OLFM1: variants seen among roughly 807,000 people sequenced by gnomAD.
OLFM1 encodes the protein olfactomedin 1.
OLFM1 carries 9 observed loss-of-function variants against 49.7 expected under a neutral mutation model. That is an observed-to-expected ratio of 0.18 (90% CI 0.11 to 0.32). The LOEUF (loss-of-function observed/expected upper bound fraction) is 0.32, where lower values mean the gene tolerates loss of function less well. Among genes scored for constraint, OLFM1 ranks in the 10% least tolerant of loss-of-function variants. The pLI, the probability that OLFM1 is intolerant of heterozygous loss-of-function variation, is 1.00. For missense variants in OLFM1, 369 were observed against 661.8 expected (o/e 0.56, Z 4.85); for synonymous variants, 240 against 271.8 (o/e 0.88, Z 1.15).
intron 5 of OLFM1, among the ~76,000 whole-genome samples, chr9:135,110,909 A>G (rs558046165): frequency 7.3e-4 from 111 of 152,366 alleles, no homozygotes; most frequent in African/African-American, 2.6e-3. Context: ...CCAAGTCCCT[A>G]CGCCAAGACC....
intron 2 of OLFM1, among the ~76,000 whole-genome samples, chr9:135,091,865 TCA>T (rs1297497098): frequency 8.0e-4 from 29 of 36,386 alleles, no homozygotes; most frequent in Non-Finnish European, 1.4e-3. Context: ...TCACACACAC[TCA>T]CACACAGTCA....
chr9:135,095,620 G>T (rs1830779412), intron 2 of OLFM1, among the ~76,000 whole-genome samples: 1 of 151,786 alleles, frequency 6.6e-6, no homozygotes, highest in South Asian at 2.1e-4. Flanking sequence ...CCCCTGATTT[G>T]CATCCCTGAT....
chr9:135,111,865 A>G (rs1235009687), intron 5 of OLFM1, among the ~76,000 whole-genome samples: 2 of 142,564 alleles, frequency 1.4e-5, no homozygotes, highest in East Asian at 3.9e-4. Flanking sequence ...GCATGCCATC[A>G]CTTCCGGCTA....
chr9:135,103,719 G>A (rs1278193909), intron 4 of OLFM1, among the ~76,000 whole-genome samples: 1 of 152,158 alleles, frequency 6.6e-6, no homozygotes, highest in East Asian at 1.9e-4. Context: ...ACTTGGGCTC[G>A]CCTTTTCTGC....
At chr9:135,105,687 T>G (rs1025196909) in intron 4 of OLFM1, 1 of 152,176 alleles carries the variant, frequency 6.6e-6, no homozygotes, top group African/African-American at 2.4e-5. Flanking sequence ...CGTGTGCTCG[T>G]GCAAGCCCAC....
intron 5 of OLFM1, among the ~76,000 whole-genome samples, chr9:135,112,100 C>A (rs1831031323): frequency 6.6e-6 from 1 of 152,188 alleles, no homozygotes; most frequent in African/African-American, 2.4e-5. Flanking sequence ...GTTGTGGGGG[C>A]AGCACCAGTG....
chr9:135,101,492 T>C (rs1284456240), intron 4 of OLFM1, among the ~76,000 whole-genome samples: 1 of 152,248 alleles, frequency 6.6e-6, no homozygotes, highest in African/African-American at 2.4e-5. Flanking sequence ...TCCATCAGTT[T>C]TCAGTTTCCA....
chr9:135,116,518 G>A (rs1831098307), intron 5 of OLFM1, among the ~76,000 whole-genome samples: 2 of 152,146 alleles, frequency 1.3e-5, no homozygotes, highest in Non-Finnish European at 2.9e-5. Flanking sequence ...CCAGGGTACA[G>A]GGGTGAGTCA....
chr9:135,118,109 C>T (rs1831119771), intron 5 of OLFM1, among the ~76,000 whole-genome samples: 1 of 152,262 alleles, frequency 6.6e-6, no homozygotes, highest in Non-Finnish European at 1.5e-5. Flanking sequence ...AGCTCCTTCT[C>T]CTGAGGTCCA....
Position 135,120,801 on chromosome 9 carries a change from C to T in OLFM1, c.*623C>T, listed in dbSNP as rs2298249. 0.14 allele frequency: 21,546 copies of T among 152,756 alleles called. 1,649 individuals carry two copies. The highest frequency in any genetic ancestry group is 0.2 in the East Asian group (1,015 of 5,170). 9.5% of individuals were successfully genotyped at this position (152,756 alleles called of 1,614,324 possible). ...CGTACCCCGTAGATACATTGTGCAA[C>T]GTTCTTCTGTTATTCCCTTGAGGTG... On this transcript the variant is annotated 3_prime_UTR_variant, in exon 6 of 6. Coordinates refer to ENST00000371793, the MANE Select transcript of OLFM1 (RefSeq NM_001282611.2).
exon 1 of OLFM1, chr9:135,075,683 G>C: frequency 6.5e-7 from 1 of 1,547,126 alleles, no homozygotes; most frequent in East Asian, 2.5e-5. Flanking sequence ...GCAGCCGCCG[G>C]CCGGCCAGCA....
rs1452641311 is a variant in OLFM1, at chr9:135,080,733, A to AT, written c.96+4931_96+4932insT. ...TCACCGTGTAAAGTAATACAAAACT[A>AT]ATTACTAGCTAAACTGAATTAGATA... On this transcript the variant is annotated intron_variant, in intron 1 of 5. Coordinates refer to the OLFM1 transcript ENST00000252854. This position sits in a 1 kb window ranked among gnomAD's most constrained non-coding sequence, Gnocchi z 4.5. Among the ~76,000 whole-genome samples, 3 of 152,192 alleles carry AT rather than the reference A, an allele frequency of 2.0e-5. No individual in the cohort carries two copies. Among genetic ancestry groups the AT allele is most frequent in the Non-Finnish European group, 2.9e-5 (2 of 68,042 alleles).
rs767452180 is a variant in OLFM1 at position 135,098,324 on chromosome 9, A to T, written c.495A>T (p.Ile165=). ...KAKMDELRPL[I]PVLEEYKADA... ...AAATGGATGAACTTAGGCCTTTGATACCTGTGTTGGAAGAGTACAAGGCCG... is the reference window on the plus strand; with the variant it reads ...AAATGGATGAACTTAGGCCTTTGATTCCTGTGTTGGAAGAGTACAAGGCCG... Residue 165 remains isoleucine, a synonymous_variant, in exon 4 of 6, where the codon ATA becomes ATT. Transcript: ENST00000371793. The surrounding 1 kb of genome is among the most constrained non-coding windows in gnomAD (Gnocchi z 5.6). The T allele has an allele frequency of 9.9e-5, 159 of 1,613,768 alleles. No homozygotes were observed. Among genetic ancestry groups the T allele is most frequent in the Non-Finnish European group, 1.2e-4 (145 of 1,180,028 alleles).
At chr9:135,109,698 GA>G (rs1427515616) in intron 5 of OLFM1, among the ~76,000 whole-genome samples, 2 of 151,976 alleles carry the variant, frequency 1.3e-5, no homozygotes, top group Non-Finnish European at 1.5e-5. Context: ...ACACACACAG[GA>G]GCCCAATAAC....
rs1174360762 is a variant in OLFM1 at position 135,119,904 on chromosome 9, C to T, written c.1184C>T (p.Thr395Met). Reference sequence around the variant, plus strand: ...CTGCAGACCCTGCAGACCTGGAACACGAGCTACCCCAAGCGCAGCGCCGGG... The same window carrying T: ...CTGCAGACCCTGCAGACCTGGAACATGAGCTACCCCAAGCGCAGCGCCGGG... The part of the protein sequence containing the change: ...VSLQTLQTWN[T>M]SYPKRSAGEA... The change falls in exon 6 of 6, where the codon ACG becomes ATG. Residue 395 changes from threonine to methionine, a missense_variant. Thr to Met is a moderately conservative substitution (Grantham distance 81). Transcript: ENST00000371793. 2 of 1,613,508 alleles carry T rather than the reference C, an allele frequency of 1.2e-6. No individual in the cohort carries two copies. The highest frequency in any genetic ancestry group is 8.5e-7 in the Non-Finnish European group (1 of 1,180,034).
chr9:135,104,899 C>G lies in OLFM1; in HGVS notation c.677-1850C>G, dbSNP rs192262370. 1.4e-4 allele frequency among the ~76,000 whole-genome samples: 22 copies of G among 152,322 alleles called. No homozygotes were observed. The East Asian group carries it at 3.7e-3, about 25-fold the overall frequency. ...GTTGCACTGGGGTGAAAATCTGGGCCGGGCTCTCCTGGAAGAGGAGTCTCT... is the reference window on the plus strand; with the variant it reads ...GTTGCACTGGGGTGAAAATCTGGGCGGGGCTCTCCTGGAAGAGGAGTCTCT... On this transcript the variant is annotated intron_variant, in intron 4 of 5. Transcript: ENST00000371793.
In OLFM1 at chr9:135,080,686, G is replaced by A. The variant is rs1055499440; in HGVS notation, c.96+4884G>A. 6.6e-6 allele frequency among the ~76,000 whole-genome samples: 1 copy of A among 152,198 alleles called. No homozygotes were observed. Among genetic ancestry groups the A allele is most frequent in the Non-Finnish European group, 1.5e-5 (1 of 68,036 alleles). ...GTTGTATTTATTACTAAAGTTATCAGGCCCTGTAATCAGTATTAACATCAC... is the reference window on the plus strand; with the variant it reads ...GTTGTATTTATTACTAAAGTTATCAAGCCCTGTAATCAGTATTAACATCAC... On this transcript the variant is annotated intron_variant, in intron 1 of 5. Transcript: ENST00000252854. The surrounding 1 kb of genome is among the most constrained non-coding windows in gnomAD (Gnocchi z 4.5).
intron 5 of OLFM1, among the ~76,000 whole-genome samples, chr9:135,110,463 C>G (rs946692159): frequency 6.6e-6 from 1 of 152,192 alleles, no homozygotes; most frequent in African/African-American, 2.4e-5. Flanking sequence ...GCAAGCTTAG[C>G]TTAGCGTTTC....
chr9:135,076,066 G>C (rs1221198406), intron 1 of OLFM1: 1 of 1,457,828 alleles, frequency 6.9e-7, no homozygotes, highest in South Asian at 1.5e-5. Flanking sequence ...GGACTCCGCT[G>C]CCCCCGACTC....
Sources: allele counts gnomAD v4.1 joint callset (sites outside exome capture counted in the v4.1 genomes callset), GRCh38; gene constraint gnomAD v4.1.1; non-coding constraint Gnocchi (gnomAD v3.1); transcripts MANE v1.5; gene names NCBI Gene and HGNC (gene_info 2026-07-23, HGNC 2026-07-21).